Variants in ZNF618 observed in about 807,000 individuals in gnomAD.
The protein encoded by ZNF618 is neural precursor cell expressed, developmentally down-regulated 10.
ZNF618 carries 34 observed loss-of-function variants against 103.0 expected under a neutral mutation model. The observed-to-expected ratio is 0.33, with a 90% CI of 0.25 to 0.44. The LOEUF (loss-of-function observed/expected upper bound fraction) is 0.44, where lower values mean the gene tolerates loss of function less well. Ranked by LOEUF, ZNF618 falls within the 20% of genes least tolerant of loss-of-function variation. ZNF618 has a pLI of 1.00. For missense variants in ZNF618, 1,059 were observed against 1,295.4 expected, an observed-to-expected ratio of 0.82 and a Z score of 2.80; for synonymous variants, 551 against 542.2, an observed-to-expected ratio of 1.02 and a Z score of -0.23.
chr9:113,953,914 G>C (rs1836006040), intron 1 of ZNF618, among the ~76,000 whole-genome samples: 1 of 152,112 alleles, frequency 6.6e-6, no homozygotes, highest in Non-Finnish European at 1.5e-5. Flanking sequence ...AATATCTTTT[G>C]AATAGTCCAG....
intron 1 of ZNF618, among the ~76,000 whole-genome samples, chr9:113,931,219 A>G (rs1237587720): frequency 1.3e-5 from 2 of 152,238 alleles, no homozygotes; most frequent in Non-Finnish European, 2.9e-5. Context: ...TAATTCAGTG[A>G]TAAGCATGGA....
intron 2 of ZNF618, among the ~76,000 whole-genome samples, chr9:113,982,344 T>C (rs1269490104): frequency 6.6e-6 from 1 of 152,100 alleles, no homozygotes; most frequent in Non-Finnish European, 1.5e-5. Flanking sequence ...TGTCACTGCC[T>C]GCTTCTGGTG....
At chr9:113,970,227 C>CT (rs142590030) in intron 2 of ZNF618, among the ~76,000 whole-genome samples, 7,831 of 150,980 alleles carry the variant, frequency 0.052, 313 homozygotes, top group African/African-American at 0.11. Context: ...TATGGGACCC[C>CT]TTTTTTTTTG....
At chr9:113,943,815 C>T (rs931532331) in intron 1 of ZNF618, among the ~76,000 whole-genome samples, 14 of 152,094 alleles carry the variant, frequency 9.2e-5, no homozygotes, top group African/African-American at 3.4e-4. Context: ...GTGTAGCCTT[C>T]CCTGTGCCGG....
chr9:114,049,758 C>A lies in ZNF618; in HGVS notation c.2456C>A (p.Pro819His). Residue 819 changes from proline (P) to histidine (H), a missense_variant, in exon 15 of 15, where the codon CCC (proline) becomes CAC (histidine). This residue lies in a region of ZNF618 where 156 missense variants were observed against 197.1 expected (regional missense o/e 0.79). Coordinates refer to ENST00000374126, the MANE Select transcript of ZNF618 (RefSeq NM_001318042.2). ...DPQQKLRPVP[P>H]YQHEEIIGKV... ...CAGCAGAAGCTGCGGCCTGTGCCAC[C>A]CTACCAGCACGAGGAGATCATCGGC... 1.2e-6 allele frequency: 2 copies of A among 1,613,976 alleles called. No homozygotes were observed. The highest frequency in any genetic ancestry group is 1.3e-5 in the African/African-American group (1 of 75,068).
chr9:113,968,336 A>C (rs558271559), intron 1 of ZNF618, among the ~76,000 whole-genome samples: 2 of 152,350 alleles, frequency 1.3e-5, no homozygotes, highest in Non-Finnish European at 2.9e-5. Context: ...ACACATATGC[A>C]CCTGAATTTC....
Position 114,050,342 on chromosome 9 carries a change from AGC to A in ZNF618, c.*176_*177del. 1 of 723,210 alleles carries A rather than the reference AGC, an allele frequency of 1.4e-6. No individual in the cohort carries two copies. Among genetic ancestry groups the A allele is most frequent in the Non-Finnish European group, 2.2e-6 (1 of 460,354 alleles). The allele number at this position is 723,210 out of a possible 1,614,324, so 44.8% of individuals were successfully genotyped here. ...TGTGTGTGTGTGCGTGTATGTACACAGCCACACGTGTGTGCACGTGTCTGAAC... is the reference window on the plus strand; with the variant it reads ...TGTGTGTGTGTGCGTGTATGTACACACACACGTGTGTGCACGTGTCTGAAC... On this transcript the variant is annotated 3_prime_UTR_variant, in exon 15 of 15. Coordinates refer to ENST00000374126, the MANE Select transcript of ZNF618 (RefSeq NM_001318042.2).
intron 4 of ZNF618, among the ~76,000 whole-genome samples, chr9:113,998,964 C>A (rs1490783050): frequency 2.0e-5 from 3 of 152,258 alleles, no homozygotes; most frequent in Non-Finnish European, 2.9e-5. Context: ...ACAACCCGTT[C>A]CCCTGAGGGG....
chr9:114,023,302 A>G (rs1011926481), intron 10 of ZNF618, among the ~76,000 whole-genome samples: 7 of 151,942 alleles, frequency 4.6e-5, no homozygotes, highest in African/African-American at 1.7e-4. Flanking sequence ...TGGTTTCTCT[A>G]TGATTTATAA....
At chr9:113,947,236 G>A (rs1835122535) in intron 1 of ZNF618, among the ~76,000 whole-genome samples, 1 of 152,132 alleles carries the variant, frequency 6.6e-6, no homozygotes, top group Non-Finnish European at 1.5e-5. Flanking sequence ...AGGGGATTTT[G>A]GAATCAGAGC....
chr9:113,929,796 G>A (rs1833413250), intron 1 of ZNF618, among the ~76,000 whole-genome samples: 2 of 152,224 alleles, frequency 1.3e-5, no homozygotes, highest in Admixed American at 6.5e-5. Context: ...CCGAGATAAG[G>A]AAATGGTTTT....
intron 1 of ZNF618, among the ~76,000 whole-genome samples, chr9:113,926,608 G>A (rs1460984156): frequency 6.6e-6 from 1 of 151,468 alleles, no homozygotes; most frequent in African/African-American, 2.4e-5. Context: ...TCTGTTTTTA[G>A]CAATTTCTTT....
rs902804272 is a variant in ZNF618, at chr9:114,032,463, G to A, written c.1085-182G>A. ...GGCCCTGCCAGGAGGGTCTCTTGGG[G>A]CCCTGCCAAGGGACTAGGCCACTCA... is the stretch of plus-strand genomic sequence containing the variant. On this transcript the variant is annotated intron_variant, in intron 11 of 14. Transcript: ENST00000374126. Among the ~76,000 whole-genome samples the A allele has an allele frequency of 2.0e-5, 3 of 152,104 alleles. No homozygotes were observed. The South Asian group carries it at 6.2e-4, about 31-fold the overall frequency.
At chr9:114,034,944 T>C (rs576674757) in intron 12 of ZNF618, among the ~76,000 whole-genome samples, 2 of 152,284 alleles carry the variant, frequency 1.3e-5, no homozygotes, top group South Asian at 4.1e-4. Context: ...CCCGGAGGGA[T>C]GGCAGTGACT....
In ZNF618 at chr9:114,035,011, G is replaced by T. The variant is rs191646415; in HGVS notation, c.1169-1289G>T. ...ACAGTAAACCTTGATCCTCTGAAAG[G>T]CATGGCCTCTGTGTCAAGCCTCCCT... On this transcript the variant is annotated intron_variant, in intron 12 of 14. Transcript: ENST00000374126. Among the ~76,000 whole-genome samples, 8 of 152,292 alleles carry T rather than the reference G, an allele frequency of 5.3e-5. No homozygotes were observed. In the East Asian group the frequency reaches 1.5e-3, roughly 29 times the overall value.
chr9:113,915,041 T>G (rs543834991), intron 1 of ZNF618, among the ~76,000 whole-genome samples: 169 of 152,326 alleles, frequency 1.1e-3, no homozygotes, highest in Non-Finnish European at 1.9e-3. Flanking sequence ...TTCATTTAAC[T>G]ATAGAGGGAA....
At position 114,049,972 on chromosome 9, in the gene ZNF618, C is replaced by A; in HGVS notation, c.2670C>A (p.Phe890Leu). The A allele has an allele frequency of 6.2e-7, 1 of 1,613,986 alleles. No homozygotes were observed. Among genetic ancestry groups the A allele is most frequent in the Non-Finnish European group, 8.5e-7 (1 of 1,179,900 alleles). Residue 890 changes from phenylalanine (F) to leucine (L), a missense_variant, in exon 15 of 15, where the codon TTC becomes TTA. Phe to Leu is a conservative substitution (Grantham distance 22). This residue lies in a region of ZNF618 where 156 missense variants were observed against 197.1 expected (regional missense o/e 0.79). Coordinates refer to ENST00000374126, the MANE Select transcript of ZNF618 (RefSeq NM_001318042.2). ...TCTTCCAGGCTACCCCTGATCTCTTCCAGTACTGGTCGTGCGTTACCCAAA... is the reference window on the plus strand; with the variant it reads ...TCTTCCAGGCTACCCCTGATCTCTTACAGTACTGGTCGTGCGTTACCCAAA... ...EPLFQATPDL[F>L]QYWSCVTQKH...
At chr9:114,039,351 T>TC (rs1325370602) in intron 13 of ZNF618, among the ~76,000 whole-genome samples, 46 of 125,082 alleles carry the variant, frequency 3.7e-4, no homozygotes, top group Admixed American at 1.0e-3. Flanking sequence ...TTTTTTTTTT[T>TC]TTTTTTTTCC....
chr9:113,927,974 G>C (rs1007098557), intron 1 of ZNF618, among the ~76,000 whole-genome samples: 4 of 152,194 alleles, frequency 2.6e-5, no homozygotes, highest in Non-Finnish European at 5.9e-5. Context: ...TGTGACCTCA[G>C]TTCTCTGATG....
Sources: gnomAD v4.1 joint callset for allele counts (sites outside exome capture counted in the v4.1 genomes callset) on GRCh38, gnomAD v4.1.1 for gene constraint, gnomAD v4.1.1 regional missense constraint, MANE v1.5 for transcripts, NCBI Gene and HGNC (gene_info 2026-07-23, HGNC 2026-07-21) for gene names.